Variants in C9orf85 observed in about 807,000 individuals in gnomAD.
C9orf85 encodes the protein chromosome 9 open reading frame 85, also known as uncharacterized protein C9orf85.
C9orf85 carries 16 observed loss-of-function variants against 14.9 expected under a neutral mutation model. The observed-to-expected ratio is 1.08, with a 90% confidence interval of 0.73 to 1.63. The LOEUF (loss-of-function observed/expected upper bound fraction) is 1.63, where lower values mean the gene tolerates loss of function less well. Ranked by LOEUF, C9orf85 falls within the 40% of genes most tolerant of loss-of-function variation. The probability of loss-of-function intolerance (pLI) is 0.00; values close to 1 mark genes in which losing one functional copy is unlikely to be tolerated. For synonymous variants in C9orf85, 45 were observed against 56.8 expected (o/e 0.79, Z 0.93); for missense variants, 172 against 186.1 (o/e 0.92, Z 0.44).
chr9:71,923,294 G>T (rs1249596904), intron 1 of C9orf85, among the ~76,000 whole-genome samples: 1 of 151,928 alleles, frequency 6.6e-6, no homozygotes, highest in East Asian at 1.9e-4. Flanking sequence ...TGAGACAAGA[G>T]TCTCTCCCTG....
intron 2 of C9orf85, among the ~76,000 whole-genome samples, chr9:71,964,683 A>G (rs1258122758): frequency 2.0e-5 from 3 of 152,182 alleles, no homozygotes; most frequent in African/African-American, 7.2e-5. Flanking sequence ...GCGAGGGTCC[A>G]TGGCTTCATT....
At chr9:71,937,213 A>G (rs1828212640) in intron 1 of C9orf85, among the ~76,000 whole-genome samples, 1 of 152,208 alleles carries the variant, frequency 6.6e-6, no homozygotes, top group Admixed American at 6.5e-5. Context: ...TTGCTTAAAT[A>G]GGTTTTCTCA....
At position 71,911,711 on chromosome 9, in the gene C9orf85, C is replaced by G; in HGVS notation, c.-24C>G. 2 of 1,604,736 alleles carry G rather than the reference C, an allele frequency of 1.2e-6. No individual in the cohort carries two copies. The highest frequency in any genetic ancestry group is 1.7e-6 in the Non-Finnish European group (2 of 1,171,512). On this transcript the variant is annotated 5_prime_UTR_variant, in exon 1 of 4. Transcript: ENST00000334731. ...CCCTCATCCTTTTGCCTGCTCCCGG[C>G]GAGGGGTGGCTTTGATTTCGGCGAT...
At chr9:71,919,943 G>A (rs144938809) in intron 1 of C9orf85, among the ~76,000 whole-genome samples, 6,019 of 151,144 alleles carry the variant, frequency 0.04, 180 homozygotes, top group Middle Eastern at 0.094. Context: ...TCCACCTCCT[G>A]GGTTCAAGCA....
chr9:71,924,605 A>G (rs1169053292), intron 1 of C9orf85, among the ~76,000 whole-genome samples: 2 of 152,168 alleles, frequency 1.3e-5, no homozygotes, highest in Non-Finnish European at 2.9e-5. Flanking sequence ...AGCATCATGG[A>G]TATGAAATGC....
At chr9:71,970,321 A>G (rs1822825232) in intron 2 of C9orf85, among the ~76,000 whole-genome samples, 2 of 152,200 alleles carry the variant, frequency 1.3e-5, no homozygotes, top group Admixed American at 6.5e-5. Flanking sequence ...AGAATGTTCC[A>G]TGTATACTTG....
intron 1 of C9orf85, among the ~76,000 whole-genome samples, chr9:71,925,755 C>G (rs765503948): frequency 1.3e-4 from 20 of 152,108 alleles, no homozygotes; most frequent in Admixed American, 2.6e-4. Flanking sequence ...ATGTAGCGAA[C>G]TTTGTAACAT....
intron 1 of C9orf85, 181 bp downstream of exon 1, chr9:71,912,017 G>GT (rs1564079143): frequency 1.5e-6 from 1 of 664,762 alleles, no homozygotes; most frequent in Non-Finnish European, 2.8e-6. Flanking sequence ...ACCTGGACAT[G>GT]TTGTCTCCTG....
At chr9:71,918,390 T>G in intron 1 of C9orf85, 1 of 1,243,338 alleles carries the variant, frequency 8.0e-7, no homozygotes, top group Non-Finnish European at 1.1e-6. Context: ...GTCACAATAA[T>G]TCTAATTGTC....
At chr9:71,917,083 T>A (rs1166336544) in intron 1 of C9orf85, among the ~76,000 whole-genome samples, 2 of 152,264 alleles carry the variant, frequency 1.3e-5, no homozygotes, top group Admixed American at 1.3e-4. Flanking sequence ...ATGGGATCTG[T>A]GGGAGGACAA....
chr9:71,916,281 TA>T (rs1827647727), intron 1 of C9orf85, among the ~76,000 whole-genome samples: 1 of 152,136 alleles, frequency 6.6e-6, no homozygotes. Flanking sequence ...AGGATGCTAT[TA>T]ATAATATATA....
At chr9:71,926,599 C>A (rs1827934017) in intron 1 of C9orf85, among the ~76,000 whole-genome samples, 1 of 141,674 alleles carries the variant, frequency 7.1e-6, no homozygotes. Context: ...ATTCAAATAG[C>A]TTTCAAAGTC....
chr9:71,968,097 T>TAGAG (rs779158859), intron 2 of C9orf85, among the ~76,000 whole-genome samples: 11,629 of 36,942 alleles, frequency 0.31, 548 homozygotes, highest in Admixed American at 0.39. Context: ...CATATATATA[T>TAGAG]ATATAGAGAG....
intron 1 of C9orf85, among the ~76,000 whole-genome samples, chr9:71,928,745 A>C (rs963712106): frequency 2.6e-5 from 4 of 152,342 alleles, no homozygotes; most frequent in Admixed American, 2.0e-4. Context: ...TTGAGAATAA[A>C]ATGAAAAGAA....
At chr9:71,983,077 C>T (rs532710343) in exon 4 of C9orf85, 2 of 151,634 alleles carry the variant, frequency 1.3e-5, no homozygotes, top group Non-Finnish European at 2.9e-5. Context: ...CTCAATGCAA[C>T]CTCTGCCTCC....
chr9:71,978,411 C>CT (rs1420637225), downstream of C9orf85, among the ~76,000 whole-genome samples: 3 of 152,058 alleles, frequency 2.0e-5, no homozygotes, highest in Non-Finnish European at 2.9e-5. Context: ...CGCCCGGTCA[C>CT]TTTTTTTCAT....
intron 1 of C9orf85, among the ~76,000 whole-genome samples, chr9:71,914,361 A>C (rs1201732735): frequency 2.0e-5 from 3 of 151,586 alleles, no homozygotes; most frequent in Admixed American, 6.6e-5. Context: ...AGTTGTCATT[A>C]GTGTTAGTGT....
intron 3 of C9orf85, among the ~76,000 whole-genome samples, chr9:71,981,364 C>A (rs1236752081): frequency 6.6e-6 from 1 of 152,164 alleles, no homozygotes; most frequent in Non-Finnish European, 1.5e-5. Context: ...TGCTTCTAGT[C>A]CGAAAAATAA....
In C9orf85 at chr9:71,980,381, G is replaced by A. The variant is rs77055186; in HGVS notation, c.324-2276G>A. On this transcript the variant is annotated intron_variant, in intron 3 of 3. Transcript: ENST00000377031. The stretch of plus-strand genomic sequence containing the variant: ...CCATTATGAAGAAAAATCATAACAT[G>A]GGAACAATGACCTAAATAACTGAAA... Among the ~76,000 whole-genome samples, 477 of 152,070 alleles carry A rather than the reference G, an allele frequency of 3.1e-3. 1 individual carries two copies. The highest frequency in any genetic ancestry group is 0.011 in the African/African-American group (440 of 41,460).
Sources: allele counts gnomAD v4.1 joint callset (sites outside exome capture counted in the v4.1 genomes callset), GRCh38; gene constraint gnomAD v4.1.1; transcripts MANE v1.5; gene names NCBI Gene and HGNC (gene_info 2026-07-23, HGNC 2026-07-21).